IL15: variants seen among roughly 807,000 people sequenced by gnomAD.
IL15 encodes interleukin-15.
In IL15, 11 loss-of-function variants were observed where a neutral mutation model predicts 19.6. That is an observed-to-expected ratio of 0.56 (90% CI 0.35 to 0.93). IL15 has a LOEUF of 0.93. Ranked by LOEUF, IL15 falls within the 40% of genes least tolerant of loss-of-function variation. The probability of loss-of-function intolerance (pLI) is 0.01; values close to 1 mark genes in which losing one functional copy is unlikely to be tolerated. For synonymous variants in IL15, 58 were observed against 59.6 expected (o/e 0.97, Z 0.12); for missense variants, 197 against 186.5 (o/e 1.06, Z -0.33).
chr4:141,713,777 C>G (rs1379762436), intron 2 of IL15, among the ~76,000 whole-genome samples: 2 of 152,162 alleles, frequency 1.3e-5, no homozygotes, highest in African/African-American at 2.4e-5. Flanking sequence ...GAAGTCCTAT[C>G]ATAAAGAAAT....
At chr4:141,675,658 A>G (rs1273721006) in intron 2 of IL15, among the ~76,000 whole-genome samples, 1 of 152,216 alleles carries the variant, frequency 6.6e-6, no homozygotes, top group African/African-American at 2.4e-5. Context: ...CAGAAAAGTC[A>G]TGACATTACA....
chr4:141,686,640 G>A (rs1728722707), intron 2 of IL15, among the ~76,000 whole-genome samples: 1 of 152,168 alleles, frequency 6.6e-6, no homozygotes, highest in African/African-American at 2.4e-5. Context: ...ACACATCATA[G>A]GCAAGAGAGA....
At chr4:141,682,861 G>C (rs548858756) in intron 2 of IL15, among the ~76,000 whole-genome samples, 4 of 151,990 alleles carry the variant, frequency 2.6e-5, no homozygotes, top group Non-Finnish European at 4.4e-5. Context: ...GGAAGGCCCG[G>C]GAATGGCATG....
chr4:141,664,489 T>C (rs1727904041), intron 2 of IL15, among the ~76,000 whole-genome samples: 1 of 151,912 alleles, frequency 6.6e-6, no homozygotes, highest in African/African-American at 2.4e-5. Context: ...CCCCCTAATA[T>C]ATTAAGAACT....
At chr4:141,660,805 A>C (rs2152161652) in intron 2 of IL15, among the ~76,000 whole-genome samples, 1 of 152,330 alleles carries the variant, frequency 6.6e-6, no homozygotes, top group East Asian at 1.9e-4. Context: ...TTTTGTCCAA[A>C]TTTATGATAA....
intron 7 of IL15, among the ~76,000 whole-genome samples, chr4:141,730,962 G>A (rs1055036916): frequency 1.3e-5 from 2 of 152,298 alleles, no homozygotes; most frequent in African/African-American, 4.8e-5. Context: ...ATGAAGTCCA[G>A]TGGTGAAAAA....
chr4:141,657,421 T>C (rs1259172209), intron 2 of IL15, among the ~76,000 whole-genome samples: 1 of 151,934 alleles, frequency 6.6e-6, no homozygotes, highest in Non-Finnish European at 1.5e-5. Context: ...TAATAATAAA[T>C]TAACTTTAGA....
intron 2 of IL15, among the ~76,000 whole-genome samples, chr4:141,684,919 T>C (rs939667770): frequency 4.6e-5 from 7 of 152,102 alleles, no homozygotes; most frequent in African/African-American, 1.7e-4. Context: ...TTGTATCTCC[T>C]CTATAAAACT....
At chr4:141,652,365 G>T (rs541281962) in intron 1 of IL15, among the ~76,000 whole-genome samples, 78 of 152,196 alleles carry the variant, frequency 5.1e-4, no homozygotes, top group African/African-American at 1.7e-3. Context: ...GTCCAATCTA[G>T]GGAGAAAAAA....
chr4:141,708,862 A>G (rs1729611648), intron 2 of IL15, among the ~76,000 whole-genome samples: 3 of 152,116 alleles, frequency 2.0e-5, no homozygotes, highest in South Asian at 4.1e-4. Context: ...TCATCTTTCT[A>G]ACTTCACTTG....
chr4:141,686,297 AAAAT>A lies in IL15; in HGVS notation c.-100+30030_-100+30033del, dbSNP rs56718878. On this transcript the variant is annotated intron_variant, in intron 2 of 7. Transcript: ENST00000320650. The stretch of plus-strand genomic sequence containing the variant: ...GCAACAAGAGCAAGAGTTCATCTCA[AAAAT>A]AAATAAATAAATAAATAAATAAATA... Among the ~76,000 whole-genome samples, 384 of 141,148 alleles carry A rather than the reference AAAAT, an allele frequency of 2.7e-3. 2 individuals are homozygous for A. The highest frequency in any genetic ancestry group is 3.6e-3 in the Middle Eastern group (1 of 280). The allele number at this position is 141,148 out of a possible 152,430, so 92.6% of individuals were successfully genotyped here.
chr4:141,687,783 C>G (rs1299262790), intron 2 of IL15, among the ~76,000 whole-genome samples: 2 of 152,066 alleles, frequency 1.3e-5, no homozygotes, highest in Non-Finnish European at 2.9e-5. Context: ...TTCTAAATAA[C>G]CCAGCCTTTT....
At chr4:141,684,656 A>G (rs1728650845) in intron 2 of IL15, among the ~76,000 whole-genome samples, 1 of 152,152 alleles carries the variant, frequency 6.6e-6, no homozygotes, top group African/African-American at 2.4e-5. Flanking sequence ...AGCTTGGAAT[A>G]TCCTCCTTCT....
Position 141,666,424 on chromosome 4 carries a change from T to C in IL15, c.-100+10117T>C, listed in dbSNP as rs1356005128. Among the ~76,000 whole-genome samples, 7 of 152,294 alleles carry C rather than the reference T, an allele frequency of 4.6e-5. No homozygotes were observed. In the East Asian group the frequency reaches 1.4e-3, roughly 29 times the overall value. On this transcript the variant is annotated intron_variant, in intron 2 of 7. Transcript: ENST00000320650. ...AGCCTGGAGGGCGGTGGCACAATCTTGGCCCAGTGCAGCCTTGACCTCCGG... is the reference window on the plus strand; with the variant it reads ...AGCCTGGAGGGCGGTGGCACAATCTCGGCCCAGTGCAGCCTTGACCTCCGG...
chr4:141,697,933 T>G (rs1191339980), intron 2 of IL15, among the ~76,000 whole-genome samples: 3 of 152,110 alleles, frequency 2.0e-5, no homozygotes, highest in African/African-American at 7.2e-5. Context: ...GGGGGAATGC[T>G]CTCAATGCTT....
intron 2 of IL15, among the ~76,000 whole-genome samples, chr4:141,684,373 A>AT (rs140766901): frequency 1.3e-5 from 2 of 151,968 alleles, no homozygotes; most frequent in African/African-American, 2.4e-5. Context: ...TGATGTGTAA[A>AT]TTTTTTTTCT....
At chr4:141,639,623 G>C (rs1176379977) in intron 1 of IL15, among the ~76,000 whole-genome samples, 1 of 152,148 alleles carries the variant, frequency 6.6e-6, no homozygotes, top group African/African-American at 2.4e-5. Context: ...GAGAAGAAGA[G>C]TTTCCCATAA....
At chr4:141,641,252 A>G (rs1313115289) in intron 1 of IL15, among the ~76,000 whole-genome samples, 1 of 152,244 alleles carries the variant, frequency 6.6e-6, no homozygotes, top group Admixed American at 6.5e-5. Context: ...TCGTTGTGAA[A>G]ATTATTCTAG....
chr4:141,646,484 T>C (rs1022820588), intron 1 of IL15, among the ~76,000 whole-genome samples: 4 of 152,138 alleles, frequency 2.6e-5, no homozygotes, highest in Non-Finnish European at 5.9e-5. Context: ...TTGTCTCAAA[T>C]ATCCCTGTTG....
Sources: allele counts gnomAD v4.1 joint callset (sites outside exome capture counted in the v4.1 genomes callset), GRCh38; gene constraint gnomAD v4.1.1; transcripts MANE v1.5; gene names NCBI Gene and HGNC (gene_info 2026-07-23, HGNC 2026-07-21).